ROBO1: variants seen among roughly 807,000 people sequenced by gnomAD.
ROBO1 encodes the protein roundabout homolog 1.
A neutral mutation model predicts 195.9 loss-of-function variants in ROBO1; 149 were observed. The observed-to-expected ratio is 0.76, with a 90% CI of 0.67 to 0.87. The LOEUF is 0.87. ROBO1 is among the 40% of genes least tolerant of loss of function. The probability of loss-of-function intolerance (pLI) is 0.00; values close to 1 mark genes in which losing one functional copy is unlikely to be tolerated. For synonymous variants in ROBO1, 816 were observed against 733.2 expected, an observed-to-expected ratio of 1.11 and a Z score of -1.82; for missense variants, 1,933 against 2,068.3, an observed-to-expected ratio of 0.93 and a Z score of 1.27.
At chr3:78,774,372 C>T (rs968906125) in intron 4 of ROBO1, among the ~76,000 whole-genome samples, 2 of 151,752 alleles carry the variant, frequency 1.3e-5, no homozygotes, top group African/African-American at 4.8e-5. Context: ...GGGCAGTGGC[C>T]GGATCTCGGC....
intron 2 of ROBO1, among the ~76,000 whole-genome samples, chr3:79,219,897 T>C (rs981809006): frequency 1.3e-5 from 2 of 152,080 alleles, no homozygotes; most frequent in Non-Finnish European, 2.9e-5. Context: ...AAACATTTCC[T>C]TCCCCACTTA....
At chr3:79,138,777 A>C (rs1161228081) in intron 2 of ROBO1, among the ~76,000 whole-genome samples, 1 of 151,940 alleles carries the variant, frequency 6.6e-6, no homozygotes, top group African/African-American at 2.4e-5. Flanking sequence ...AATTATATTT[A>C]AGTTTTACAA....
At chr3:79,306,637 G>A (rs1201055365) in intron 2 of ROBO1, among the ~76,000 whole-genome samples, 3 of 152,166 alleles carry the variant, frequency 2.0e-5, no homozygotes, top group Non-Finnish European at 4.4e-5. Context: ...TCAATATATA[G>A]TATTATTTTG....
chr3:79,127,349 A>G (rs1048137841), intron 2 of ROBO1, among the ~76,000 whole-genome samples: 4 of 152,210 alleles, frequency 2.6e-5, no homozygotes, highest in Non-Finnish European at 4.4e-5. Flanking sequence ...AGATCATCAG[A>G]AATTGCTTGG....
At chr3:79,347,546 A>T (rs1368298379) in intron 2 of ROBO1, among the ~76,000 whole-genome samples, 2 of 152,190 alleles carry the variant, frequency 1.3e-5, no homozygotes, top group African/African-American at 4.8e-5. Flanking sequence ...TTGTAACCTG[A>T]CTATAAGCCT....
intron 4 of ROBO1, among the ~76,000 whole-genome samples, chr3:78,798,017 G>A (rs945159606): frequency 6.6e-6 from 1 of 152,104 alleles, no homozygotes; most frequent in Non-Finnish European, 1.5e-5. Context: ...CACCACAACT[G>A]TTGAGAAATG....
chr3:79,407,935 A>G (rs2037613266), intron 2 of ROBO1, among the ~76,000 whole-genome samples: 1 of 152,142 alleles, frequency 6.6e-6, no homozygotes, highest in African/African-American at 2.4e-5. Flanking sequence ...TGGGGGTTCT[A>G]TAAACTAGAC....
chr3:79,145,523 T>C (rs1267093947), intron 2 of ROBO1, among the ~76,000 whole-genome samples: 5 of 151,936 alleles, frequency 3.3e-5, no homozygotes, highest in Non-Finnish European at 7.4e-5. Flanking sequence ...AATAAATATA[T>C]TTACTATACT....
intron 3 of ROBO1, among the ~76,000 whole-genome samples, chr3:79,096,510 A>G (rs1487480648): frequency 6.6e-6 from 1 of 151,770 alleles, no homozygotes; most frequent in East Asian, 1.9e-4. Flanking sequence ...CTCAGCATGT[A>G]ACCTTAGTAT....
chr3:79,238,529 A>G (rs1460207322), intron 2 of ROBO1, among the ~76,000 whole-genome samples: 3 of 152,172 alleles, frequency 2.0e-5, no homozygotes, highest in Non-Finnish European at 2.9e-5. Context: ...GACCTAAGAA[A>G]TCACTTCATA....
At chr3:79,431,998 A>T (rs1402826425) in intron 2 of ROBO1, among the ~76,000 whole-genome samples, 2 of 152,130 alleles carry the variant, frequency 1.3e-5, no homozygotes, top group African/African-American at 4.8e-5. Context: ...GCAAAGTGAG[A>T]TAATCTAATT....
intron 3 of ROBO1, among the ~76,000 whole-genome samples, chr3:79,106,294 G>T (rs925954568): frequency 1.3e-5 from 2 of 151,618 alleles, no homozygotes; most frequent in Admixed American, 6.6e-5. Flanking sequence ...AAAGCTACAT[G>T]TTTTATTAGA....
intron 2 of ROBO1, among the ~76,000 whole-genome samples, chr3:79,368,865 C>A (rs773020295): frequency 6.6e-6 from 1 of 152,062 alleles, no homozygotes; most frequent in Non-Finnish European, 1.5e-5. Flanking sequence ...AGATCAAAAT[C>A]CTGATTGTTT....
intron 4 of ROBO1, among the ~76,000 whole-genome samples, chr3:78,890,512 G>A (rs1212542595): frequency 6.6e-6 from 1 of 152,080 alleles, no homozygotes; most frequent in Non-Finnish European, 1.5e-5. Context: ...TGTTTAAGCT[G>A]CCCAGTCTAT....
At chr3:79,550,195 G>GGAAAAGAAAAGAAAAGAAAAGAAAA (rs58751236) in intron 2 of ROBO1, among the ~76,000 whole-genome samples, 10 of 100,832 alleles carry the variant, frequency 9.9e-5, no homozygotes, top group African/African-American at 3.3e-4. Context: ...AAGAAAGAAA[G>GGAAAAGAAAAGAAAAGAAAAGAAAA]GAAAAGAAAA....
At chr3:78,879,366 C>T (rs1426449605) in intron 4 of ROBO1, among the ~76,000 whole-genome samples, 2 of 152,080 alleles carry the variant, frequency 1.3e-5, no homozygotes, top group African/African-American at 4.8e-5. Flanking sequence ...TGCCTACAAG[C>T]TGACTGCACA....
At chr3:79,183,643 G>C (rs1559719266) in intron 2 of ROBO1, among the ~76,000 whole-genome samples, 1 of 152,226 alleles carries the variant, frequency 6.6e-6, no homozygotes, top group Non-Finnish European at 1.5e-5. Flanking sequence ...CTTGGGGATG[G>C]TTGGGTTACA....
intron 2 of ROBO1, among the ~76,000 whole-genome samples, chr3:79,572,663 T>C (rs988242438): frequency 1.3e-5 from 2 of 152,108 alleles, no homozygotes; most frequent in African/African-American, 4.8e-5. Context: ...TCCTCAACTA[T>C]GAAACCATTT....
chr3:78,801,201 C>T (rs1241447861), intron 4 of ROBO1, among the ~76,000 whole-genome samples: 3 of 152,118 alleles, frequency 2.0e-5, no homozygotes, highest in Non-Finnish European at 4.4e-5. Context: ...CATAAAAGGT[C>T]ATTGATGTAT....
Sources: allele counts gnomAD v4.1 joint callset (sites outside exome capture counted in the v4.1 genomes callset), GRCh38; gene constraint gnomAD v4.1.1; transcripts MANE v1.5; gene names NCBI Gene and HGNC (gene_info 2026-07-23, HGNC 2026-07-21).